The following SORCS2 variants were observed in gnomAD, a reference collection of about 807,000 sequenced individuals.
The protein encoded by SORCS2 is VPS10 domain-containing receptor SorCS2.
Under a neutral mutation model 141.6 loss-of-function variants are expected in SORCS2, and 100 were observed. The ratio of observed to expected loss-of-function variants is 0.71; its 90% CI spans 0.60 to 0.83. The LOEUF is 0.83. Among genes scored for constraint, SORCS2 ranks in the 40% least tolerant of loss-of-function variants. SORCS2 has a pLI of 0.00. For synonymous variants in SORCS2, 789 were observed against 676.9 expected (o/e 1.17, Z -2.57); for missense variants, 1,646 against 1,560.2 (o/e 1.05, Z -0.93).
intron 1 of SORCS2, among the ~76,000 whole-genome samples, chr4:7,373,528 A>G (rs1167087280): frequency 9.2e-6 from 1 of 108,748 alleles, no homozygotes; most frequent in Non-Finnish European, 1.7e-5. Flanking sequence ...TCGCTCTGTC[A>G]CCCTGGAATG....
Position 7,704,300 on chromosome 4 carries a change from G to A in SORCS2, c.1868+16G>A, listed in dbSNP as rs367845248. The A allele has an allele frequency of 2.1e-5, 33 of 1,593,478 alleles. No individual in the cohort carries two copies. Among genetic ancestry groups the A allele is most frequent in the Admixed American group, 6.9e-5 (4 of 57,704 alleles). ...TGGTCATGACGTGAGTGCGGGGACC[G>A]GGGAGTGGGCACTGGTGGCAGGGCA... On this transcript the variant is annotated intron_variant, in intron 14 of 26. Transcript: ENST00000507866.
At chr4:7,343,669 C>T (rs1159342349) in intron 1 of SORCS2, among the ~76,000 whole-genome samples, 1 of 152,196 alleles carries the variant, frequency 6.6e-6, no homozygotes, top group Non-Finnish European at 1.5e-5. Flanking sequence ...CCTCAGTTTC[C>T]CCATCTGGAA....
At chr4:7,211,236 AGG>A (rs1728042774) in intron 1 of SORCS2, among the ~76,000 whole-genome samples, 1 of 113,260 alleles carries the variant, frequency 8.8e-6, no homozygotes, top group Non-Finnish European at 1.8e-5. Flanking sequence ...GGAGGGAGGG[AGG>A]GAGGGAGGCA....
chr4:7,377,287 A>T (rs188362453), intron 1 of SORCS2, among the ~76,000 whole-genome samples: 21 of 152,104 alleles, frequency 1.4e-4, no homozygotes, highest in Admixed American at 7.2e-4. Flanking sequence ...GCTGCTGACG[A>T]GCACCTAGAT....
intron 9 of SORCS2, among the ~76,000 whole-genome samples, chr4:7,677,222 C>T (rs1242879877): frequency 2.0e-5 from 3 of 152,172 alleles, no homozygotes; most frequent in East Asian, 1.9e-4. Context: ...CTCGGCCTCC[C>T]GCGTGAGCCT....
chr4:7,425,587 G>T (rs899283336), intron 2 of SORCS2, among the ~76,000 whole-genome samples: 1 of 152,176 alleles, frequency 6.6e-6, no homozygotes, highest in African/African-American at 2.4e-5. Flanking sequence ...ACAGAGAAAC[G>T]TCAGAGGCTT....
chr4:7,588,613 CCAG>C (rs1365795823), intron 3 of SORCS2, among the ~76,000 whole-genome samples: 2 of 152,150 alleles, frequency 1.3e-5, no homozygotes, highest in African/African-American at 4.8e-5. Context: ...GCTGGCCTTA[CCAG>C]CAGATGTGGC....
intron 2 of SORCS2, chr4:7,434,660 C>T (rs769256831): frequency 1.6e-5 from 25 of 1,612,594 alleles, no homozygotes; most frequent in Admixed American, 1.3e-4. Flanking sequence ...CCATTGCCAG[C>T]GGCGGCTGCT....
intron 2 of SORCS2, among the ~76,000 whole-genome samples, chr4:7,461,906 G>A (rs562795914): frequency 8.9e-5 from 9 of 101,524 alleles, no homozygotes; most frequent in Admixed American, 4.0e-4. Flanking sequence ...GTGCTGTCCC[G>A]CAGGCTTCAG....
At chr4:7,555,919 T>C (rs1314081494) in intron 3 of SORCS2, among the ~76,000 whole-genome samples, 13 of 152,128 alleles carry the variant, frequency 8.5e-5, no homozygotes, top group African/African-American at 2.9e-4. Flanking sequence ...ATGAGAAAGG[T>C]GTGGAGCTGA....
chr4:7,589,522 C>A (rs1716771263), intron 3 of SORCS2, among the ~76,000 whole-genome samples: 1 of 152,168 alleles, frequency 6.6e-6, no homozygotes, highest in Non-Finnish European at 1.5e-5. Context: ...TCTGCCTCAG[C>A]CTCCCAAGTA....
rs189300476 is a variant in SORCS2, at chr4:7,201,931, C to T, written c.480+8805C>T. 5.9e-4 allele frequency among the ~76,000 whole-genome samples: 89 copies of T among 152,088 alleles called. 1 individual carries two copies. The East Asian group carries it at 0.016, about 27-fold the overall frequency. On this transcript the variant is annotated intron_variant, in intron 1 of 26. Coordinates refer to ENST00000507866, the MANE Select transcript of SORCS2 (RefSeq NM_020777.3). This position sits in a 1 kb window ranked among gnomAD's most constrained non-coding sequence, Gnocchi z 4.4. ...GGGAGGGCAAGGTCTCCGTCTGTAG[C>T]TTTGGAAAGGTGAAGGCATGTGTTC...
Position 7,726,784 on chromosome 4 carries a change from TC to T in SORCS2, c.2752del (p.Leu918PhefsTer7). 1 of 1,613,290 alleles carries T rather than the reference TC, an allele frequency of 6.2e-7. No individual in the cohort carries two copies. Among genetic ancestry groups the T allele is most frequent in the South Asian group, 1.1e-5 (1 of 91,060 alleles). ...AGCCCTGCTGTGCCCCTGCAGCCCC[TC>T]CTTTCCCTGGATAATTCTGTGACAA... ...YWWIGHSLQPLLSLDNSVTTR... is the reference protein window; with the variant it reads ...YWWIGHSLQPXLSLDNSVTTR... On this transcript the variant is annotated frameshift_variant, in exon 21 of 27. Transcript: ENST00000507866. LOFTEE classifies it high-confidence loss of function.
At chr4:7,247,128 G>A (rs974969829) in intron 1 of SORCS2, among the ~76,000 whole-genome samples, 17 of 152,302 alleles carry the variant, frequency 1.1e-4, no homozygotes, top group African/African-American at 3.6e-4. Flanking sequence ...CATGTCCACA[G>A]TTGCTTTCTG....
chr4:7,463,015 G>T (rs554321780), intron 2 of SORCS2, among the ~76,000 whole-genome samples: 1 of 151,746 alleles, frequency 6.6e-6, no homozygotes, highest in Admixed American at 6.6e-5. Context: ...CTCTGCCACC[G>T]TATCTCAGCT....
intron 1 of SORCS2, among the ~76,000 whole-genome samples, chr4:7,311,693 C>G (rs975381390): frequency 2.6e-5 from 4 of 152,022 alleles, no homozygotes; most frequent in Non-Finnish European, 5.9e-5. Context: ...CATGTATATT[C>G]TTTGGTGAAA....
intron 2 of SORCS2, among the ~76,000 whole-genome samples, chr4:7,415,298 G>A (rs181378151): frequency 2.0e-5 from 3 of 152,288 alleles, no homozygotes; most frequent in East Asian, 3.9e-4. Context: ...GATGTGGACC[G>A]GGTCGTTTCT....
intron 1 of SORCS2, among the ~76,000 whole-genome samples, chr4:7,383,811 G>C (rs915349724): frequency 2.0e-5 from 3 of 152,128 alleles, no homozygotes; most frequent in Non-Finnish European, 4.4e-5. Flanking sequence ...AAGGAGTGAC[G>C]GGTGAAATTA....
rs992779814 is a variant in SORCS2, at chr4:7,430,037, G to T, written c.548+33682G>T. 2.0e-5 allele frequency among the ~76,000 whole-genome samples: 3 copies of T among 152,266 alleles called. No individual in the cohort carries two copies. The East Asian group carries it at 5.8e-4, about 29-fold the overall frequency. ...GGTGCCTGGCACTCGGGTGTGCTGG[G>T]GAAGCTTTTCCAGGCCCGCTTCTCG... On this transcript the variant is annotated intron_variant, in intron 2 of 26. Coordinates refer to ENST00000507866, the MANE Select transcript of SORCS2 (RefSeq NM_020777.3).
Sources: allele counts gnomAD v4.1 joint callset (sites outside exome capture counted in the v4.1 genomes callset), GRCh38; gene constraint gnomAD v4.1.1; non-coding constraint Gnocchi (gnomAD v3.1); transcripts MANE v1.5; gene names NCBI Gene and HGNC (gene_info 2026-07-23, HGNC 2026-07-21).